The following PSD3 variants were observed in gnomAD, a reference collection of about 807,000 sequenced individuals.
The protein encoded by PSD3 is PH and SEC7 domain-containing protein 3.
Under a neutral mutation model 105.5 loss-of-function variants are expected in PSD3, and 49 were observed. The ratio of observed to expected loss-of-function variants is 0.46; its 90% CI spans 0.37 to 0.59. The LOEUF (loss-of-function observed/expected upper bound fraction) is 0.59. Ranked by LOEUF, PSD3 falls within the 20% of genes least tolerant of loss-of-function variation. PSD3 has a pLI of 0.00. For missense variants in PSD3, 1,561 were observed against 1,263.8 expected, an observed-to-expected ratio of 1.24 and a Z score of -3.57; for synonymous variants, 557 against 457.8, an observed-to-expected ratio of 1.22 and a Z score of -2.77.
At chr8:18,635,287 ACTGG>A (rs1442256631) in intron 10 of PSD3, among the ~76,000 whole-genome samples, 1 of 152,074 alleles carries the variant, frequency 6.6e-6, no homozygotes, top group African/African-American at 2.4e-5. Flanking sequence ...GGTTCTTCTT[ACTGG>A]AGAACAGTAT....
At chr8:19,027,334 G>T (rs1827592729) in intron 1 of PSD3, among the ~76,000 whole-genome samples, 1 of 152,172 alleles carries the variant, frequency 6.6e-6, no homozygotes, top group Non-Finnish European at 1.5e-5. Context: ...AGCTTTTTGA[G>T]CCACTTCACT....
At chr8:18,733,535 G>T (rs1803924683) in intron 9 of PSD3, 1 of 152,642 alleles carries the variant, frequency 6.6e-6, no homozygotes, top group African/African-American at 2.4e-5. Flanking sequence ...AGATGGGTTT[G>T]CCCAGCAAAG....
chr8:18,992,314 A>G (rs1002604561), intron 1 of PSD3, among the ~76,000 whole-genome samples: 2 of 152,134 alleles, frequency 1.3e-5, no homozygotes, highest in East Asian at 3.9e-4. Flanking sequence ...ATACTTAAAA[A>G]AAAAAAAAAT....
intron 9 of PSD3, among the ~76,000 whole-genome samples, chr8:18,708,374 T>C (rs1408196667): frequency 6.6e-6 from 1 of 152,170 alleles, no homozygotes. Context: ...CTCTCTCCAC[T>C]TTCCACCTAT....
chr8:18,647,430 T>C (rs1808121783), intron 10 of PSD3, among the ~76,000 whole-genome samples: 2 of 152,184 alleles, frequency 1.3e-5, no homozygotes, highest in African/African-American at 2.4e-5. Context: ...AAATGAGTTG[T>C]AGGGCAATAT....
intron 1 of PSD3, among the ~76,000 whole-genome samples, chr8:18,999,084 C>T (rs1400685659): frequency 6.6e-6 from 1 of 152,010 alleles, no homozygotes; most frequent in Non-Finnish European, 1.5e-5. Context: ...TTGTACACAA[C>T]ATAAGTGATG....
At chr8:18,583,106 G>A (rs1260825100) in intron 12 of PSD3, among the ~76,000 whole-genome samples, 2 of 152,088 alleles carry the variant, frequency 1.3e-5, no homozygotes, top group Admixed American at 6.5e-5. Flanking sequence ...GATTACAGGC[G>A]TGAGCCACCG....
intron 4 of PSD3, among the ~76,000 whole-genome samples, chr8:18,857,207 G>A (rs544040880): frequency 2.9e-4 from 44 of 152,256 alleles, no homozygotes; most frequent in African/African-American, 9.1e-4. Context: ...CCCTGAGAAC[G>A]GGGACTGGCT....
chr8:18,577,478 T>C (rs1485370259), intron 12 of PSD3, among the ~76,000 whole-genome samples: 2 of 152,092 alleles, frequency 1.3e-5, no homozygotes, highest in Non-Finnish European at 2.9e-5. Context: ...ATATTAACCT[T>C]TTCCACTTCA....
chr8:18,655,743 T>G, intron 9 of PSD3, 58 bp from the exon 10 acceptor site: 1 of 1,514,464 alleles, frequency 6.6e-7, no homozygotes. Flanking sequence ...ACATTTTGAA[T>G]TCAGCAAATG....
At chr8:18,624,684 T>TA (rs35483520) in intron 11 of PSD3, among the ~76,000 whole-genome samples, 62,876 of 145,236 alleles carry the variant, frequency 0.43, 13,840 homozygotes, top group African/African-American at 0.54. Context: ...CTTAAAGTAT[T>TA]AAAAAAAAAA....
intron 4 of PSD3, among the ~76,000 whole-genome samples, chr8:18,861,392 T>G (rs1172679867): frequency 6.6e-6 from 1 of 152,086 alleles, no homozygotes; most frequent in Middle Eastern, 3.2e-3. Context: ...TTGAGAGCCC[T>G]CTCATAACCA....
Position 18,555,066 on chromosome 8 carries a change from G to C in PSD3, c.2928+1143C>G, listed in dbSNP as rs558472092. 2.4e-4 allele frequency among the ~76,000 whole-genome samples: 36 copies of C among 152,180 alleles called. No homozygotes were observed. The South Asian group carries it at 6.8e-3, about 29-fold the overall frequency. ...TGAGACTTTCTTCAGGAGGTAACTG[G>C]GGGAGGGGAATCGGGGAAGCTGTAG... is the stretch of plus-strand genomic sequence containing the variant. On this transcript the variant is annotated intron_variant, in intron 15 of 15. Transcript: ENST00000327040.
chr8:19,039,779 C>T (rs1828061999), intron 1 of PSD3, among the ~76,000 whole-genome samples: 1 of 152,182 alleles, frequency 6.6e-6, no homozygotes, highest in Non-Finnish European at 1.5e-5. Context: ...TGTATATTCA[C>T]AGAATACCCT....
At chr8:18,743,298 G>C (rs1026604292) in intron 9 of PSD3, among the ~76,000 whole-genome samples, 1 of 152,152 alleles carries the variant, frequency 6.6e-6, no homozygotes, top group Non-Finnish European at 1.5e-5. Flanking sequence ...TCTTTTCATA[G>C]AGGAGCGGGG....
intron 4 of PSD3, among the ~76,000 whole-genome samples, chr8:18,838,847 T>TG (rs1563331116): frequency 1.4e-5 from 2 of 146,256 alleles, no homozygotes; most frequent in African/African-American, 5.0e-5. Flanking sequence ...ATAATAATAA[T>TG]AATGTTCAAG....
chr8:18,649,048 G>C (rs1357133625), intron 10 of PSD3, among the ~76,000 whole-genome samples: 1 of 152,238 alleles, frequency 6.6e-6, no homozygotes, highest in Non-Finnish European at 1.5e-5. Context: ...CCTTTACTAG[G>C]GGAGTGCAGA....
intron 4 of PSD3, among the ~76,000 whole-genome samples, chr8:18,857,733 G>T (rs1816129788): frequency 6.6e-6 from 1 of 152,214 alleles, no homozygotes; most frequent in South Asian, 2.1e-4. Flanking sequence ...TAGTAGGTCA[G>T]GGTGGGGCTG....
In PSD3 at chr8:18,534,116, C is replaced by G. The variant is rs1232043162; in HGVS notation, c.*1627G>C. 1 of 152,206 alleles carries G rather than the reference C, an allele frequency of 6.6e-6. No homozygotes were observed. 9.4% of individuals were successfully genotyped at this position (152,206 alleles called of 1,614,324 possible). On this transcript the variant is annotated 3_prime_UTR_variant, in exon 16 of 16. Transcript: ENST00000327040. ...CCACTTAGACACTACCATGGCTTTA[C>G]AGCAGGTTTTCTCTAATTCACTGGA...
Sources: allele counts gnomAD v4.1 joint callset (sites outside exome capture counted in the v4.1 genomes callset), GRCh38; gene constraint gnomAD v4.1.1; transcripts MANE v1.5; gene names NCBI Gene and HGNC (gene_info 2026-07-23, HGNC 2026-07-21).